Variants in GNPNAT1 observed in about 807,000 individuals in gnomAD.
GNPNAT1 encodes the protein glucosamine 6-phosphate N-acetyltransferase.
Under a neutral mutation model 19.8 loss-of-function variants are expected in GNPNAT1, and 11 were observed. The observed-to-expected ratio is 0.56, with a 90% CI of 0.35 to 0.92. The LOEUF (loss-of-function observed/expected upper bound fraction) is 0.92. Among genes scored for constraint, GNPNAT1 ranks in the 40% least tolerant of loss-of-function variants. GNPNAT1 has a pLI of 0.01. For missense variants in GNPNAT1, 157 were observed against 211.0 expected (o/e 0.74, Z 1.59); for synonymous variants, 71 against 72.3 (o/e 0.98, Z 0.09).
At position 52,784,483 on chromosome 14, in the gene GNPNAT1, A is replaced by AT. The variant is rs745458198; in HGVS notation, c.154+13dup. Reference sequence around the variant, plus strand: ...AAGGCTAACTCTAATTTTACACAGGATTTTGTACATTACCTCTATTTAAGT... The same window carrying AT: ...AAGGCTAACTCTAATTTTACACAGGATTTTTGTACATTACCTCTATTTAAGT... On this transcript the variant is annotated intron_variant, in intron 2 of 5. Transcript: ENST00000216410. 1.3e-6 allele frequency: 2 copies of AT among 1,544,948 alleles called. No homozygotes were observed. Among genetic ancestry groups the AT allele is most frequent in the South Asian group, 2.5e-5 (2 of 80,424 alleles).
At chr14:52,780,617 CTTG>C in intron 5 of GNPNAT1, 59 bp downstream of exon 5, 1 of 999,140 alleles carries the variant, frequency 1.0e-6, no homozygotes, top group South Asian at 1.3e-5. Context: ...AAACAAGTAT[CTTG>C]TTAAGAAACT....
At chr14:52,782,464 CAT>C in intron 3 of GNPNAT1, among the ~76,000 whole-genome samples, 1 of 152,194 alleles carries the variant, frequency 6.6e-6, no homozygotes, top group South Asian at 2.1e-4. Flanking sequence ...GAAGTAAAAA[CAT>C]ATCTGTTTCC....
Position 52,783,461 on chromosome 14 carries a change from A to G in GNPNAT1, c.179T>C (p.Leu60Pro). The change falls in exon 3 of 6, where the codon CTA (leucine) becomes CCA (proline). Residue 60 changes from leucine (L) to proline (P), a missense_variant. By Grantham distance (98) the Leu-to-Pro change is moderately conservative. Coordinates refer to ENST00000216410, the MANE Select transcript of GNPNAT1 (RefSeq NM_198066.4). ...AGGGCTGACAACTCCAGTCTCTGTT[A>G]GCTGACCCAATACCTTAAAAAAACC... ...NRGFFKVLGQ[L>P]TETGVVSPEQ... 1.9e-6 allele frequency: 3 copies of G among 1,610,892 alleles called. No individual in the cohort carries two copies. The highest frequency in any genetic ancestry group is 2.5e-6 in the Non-Finnish European group (3 of 1,177,254).
Position 52,783,490 on chromosome 14 carries a change from T to C in GNPNAT1, c.155-5A>G, listed in dbSNP as rs1033271732. On this transcript the variant is annotated splice_region_variant and splice_polypyrimidine_tract_variant and intron_variant, in intron 2 of 5. Transcript: ENST00000216410. ...GACCCAATACCTTAAAAAAACCTAG[T>C]TTTGAAAAACAGATTTCAAATTACG... 3 of 1,600,958 alleles carry C rather than the reference T, an allele frequency of 1.9e-6. No individual in the cohort carries two copies. Among genetic ancestry groups the C allele is most frequent in the Non-Finnish European group, 2.6e-6 (3 of 1,168,916 alleles).
chr14:52,785,682 G>A (rs1019269108), intron 1 of GNPNAT1, among the ~76,000 whole-genome samples: 7 of 151,428 alleles, frequency 4.6e-5, no homozygotes, highest in South Asian at 2.1e-4. Context: ...TTGAGATTGC[G>A]CCATTGCACT....
At chr14:52,789,061 C>G (rs143409592) in intron 1 of GNPNAT1, among the ~76,000 whole-genome samples, 135 of 152,266 alleles carry the variant, frequency 8.9e-4, no homozygotes, top group African/African-American at 3.1e-3. Context: ...AGGAAGCAGG[C>G]ACAGTAACTT....
chr14:52,781,978 T>G (rs1049629265), intron 3 of GNPNAT1, 67 bp from the exon 4 acceptor site: 2 of 1,406,112 alleles, frequency 1.4e-6, no homozygotes, highest in African/African-American at 2.9e-5. Context: ...CAGAAAAATA[T>G]TAGGATTAGC....
chr14:52,778,912 G>T (rs774230208), intron 5 of GNPNAT1, among the ~76,000 whole-genome samples: 2 of 152,100 alleles, frequency 1.3e-5, no homozygotes, highest in Non-Finnish European at 2.9e-5. Flanking sequence ...CTACTCCAGA[G>T]GCTGAGGGGG....
chr14:52,779,671 T>A, intron 5 of GNPNAT1, among the ~76,000 whole-genome samples: 1 of 131,138 alleles, frequency 7.6e-6, no homozygotes, highest in East Asian at 2.2e-4. Context: ...CAGTGAGCTG[T>A]GATCGTACCA....
At chr14:52,788,579 T>A (rs147990381) in intron 1 of GNPNAT1, among the ~76,000 whole-genome samples, 140 of 152,340 alleles carry the variant, frequency 9.2e-4, no homozygotes, top group African/African-American at 3.2e-3. Flanking sequence ...GGCTAAGTAT[T>A]AATAAAGTGA....
chr14:52,775,603 A>T lies in GNPNAT1; in HGVS notation c.*2708T>A, dbSNP rs1399811067. ...TTTCACAAGCAAATAGTGGCCAAAG[A>T]TGTGAACGGCCAGACACGGTAGCCG... On this transcript the variant is annotated 3_prime_UTR_variant, in exon 6 of 6. Coordinates refer to ENST00000216410, the MANE Select transcript of GNPNAT1 (RefSeq NM_198066.4). The T allele has an allele frequency of 6.6e-6, 1 of 152,180 alleles. No individual in the cohort carries two copies. The allele number at this position is 152,180 out of a possible 1,614,324, so 9.4% of individuals were successfully genotyped here.
intron 4 of GNPNAT1, 33 bp downstream of exon 4, chr14:52,781,751 C>T: frequency 1.3e-6 from 2 of 1,558,970 alleles, no homozygotes; most frequent in East Asian, 4.8e-5. Context: ...TGCTAGAAAA[C>T]AGCTGTCCAT....
chr14:52,789,938 A>T (rs1428095870), intron 1 of GNPNAT1, among the ~76,000 whole-genome samples: 1 of 151,574 alleles, frequency 6.6e-6, no homozygotes, highest in Non-Finnish European at 1.5e-5. Flanking sequence ...GTGAATGAAT[A>T]ACGAATAAGA....
In GNPNAT1 at chr14:52,777,693, T is replaced by C. The variant is rs376717114; in HGVS notation, c.*618A>G. On this transcript the variant is annotated 3_prime_UTR_variant, in exon 6 of 6. Coordinates refer to ENST00000216410, the MANE Select transcript of GNPNAT1 (RefSeq NM_198066.4). ...TACATAGACTATACTATATAAACTT[T>C]CAGTAAAACATTTAAATTGTTTTAC... The C allele has an allele frequency of 6.6e-6, 1 of 152,212 alleles. No homozygotes were observed. The highest frequency in any genetic ancestry group is 2.4e-5 in the African/African-American group (1 of 41,464). 9.4% of individuals were successfully genotyped at this position (152,212 alleles called of 1,614,324 possible). A position where few individuals can be genotyped will look rare whatever the true frequency, so the allele number is the denominator to read the frequency against.
At chr14:52,789,317 A>G (rs1374001773) in intron 1 of GNPNAT1, among the ~76,000 whole-genome samples, 1 of 152,206 alleles carries the variant, frequency 6.6e-6, no homozygotes, top group African/African-American at 2.4e-5. Flanking sequence ...TAACCATTAC[A>G]CTGAAGATGC....
At position 52,788,830 on chromosome 14, in the gene GNPNAT1, A is replaced by T. The variant is rs184994905; in HGVS notation, c.-15+2598T>A. On this transcript the variant is annotated intron_variant, in intron 1 of 5. Transcript: ENST00000216410. Reference sequence around the variant, plus strand: ...GTTAATAATTTTCATGAGAGGGAAGAAGTATACAGGAAAACAACTAGGATT... The same window carrying T: ...GTTAATAATTTTCATGAGAGGGAAGTAGTATACAGGAAAACAACTAGGATT... Among the ~76,000 whole-genome samples, 3 of 152,334 alleles carry T rather than the reference A, an allele frequency of 2.0e-5. No homozygotes were observed. The East Asian group carries it at 5.8e-4, about 29-fold the overall frequency.
In GNPNAT1 at chr14:52,778,336, T is replaced by C. The variant is rs1397614645; in HGVS notation, c.530A>G (p.Tyr177Cys). The part of the protein sequence containing the change: ...KFGYTVSEEN[Y>C]MCRRFLK ...TTACTTTAGAAACCTCCGACACATG[T>C]AGTTTTCTTCAGATACAGTATATCC... Residue 177 changes from tyrosine (Y) to cysteine (C), a missense_variant, in exon 6 of 6, where the codon TAC becomes TGC. Physicochemically the swap from Tyr to Cys is radical, Grantham distance 194. Coordinates refer to ENST00000216410, the MANE Select transcript of GNPNAT1 (RefSeq NM_198066.4). 6.3e-7 allele frequency: 1 copy of C among 1,594,542 alleles called. No individual in the cohort carries two copies. The highest frequency in any genetic ancestry group is 8.5e-7 in the Non-Finnish European group (1 of 1,175,094).
intron 1 of GNPNAT1, among the ~76,000 whole-genome samples, chr14:52,786,239 T>C (rs2139971255): frequency 6.6e-6 from 1 of 152,008 alleles, no homozygotes; most frequent in South Asian, 2.1e-4. Flanking sequence ...GCATGGTGGC[T>C]CGTGCCTTTA....
At chr14:52,781,934 T>C (rs1032679355) in intron 3 of GNPNAT1, 23 bp from the exon 4 acceptor site, 4 of 1,585,202 alleles carry the variant, frequency 2.5e-6, no homozygotes, top group Non-Finnish European at 3.4e-6. Context: ...GATAACAAAG[T>C]GTTACATAGT....
Sources: allele counts gnomAD v4.1 joint callset (sites outside exome capture counted in the v4.1 genomes callset), GRCh38; gene constraint gnomAD v4.1.1; transcripts MANE v1.5; gene names NCBI Gene and HGNC (gene_info 2026-07-23, HGNC 2026-07-21).